EID2B: variants seen among roughly 807,000 people sequenced by gnomAD.
EID2B encodes EP300 interacting inhibitor of differentiation 2B, also known as EP300-interacting inhibitor of differentiation 2B.
A neutral mutation model predicts 5.9 loss-of-function variants in EID2B; 6 were observed. That is an observed-to-expected ratio of 1.01 (90% CI 0.55 to 2.00). The LOEUF is 2.00. EID2B is among the 30% of genes most tolerant of loss of function. The probability of loss-of-function intolerance (pLI) is 0.00; values close to 1 mark genes in which losing one functional copy is unlikely to be tolerated. For missense variants in EID2B, 234 were observed against 228.1 expected, an observed-to-expected ratio of 1.03 and a Z score of -0.17; for synonymous variants, 94 against 104.2, an observed-to-expected ratio of 0.90 and a Z score of 0.60.
Position 39,531,122 on chromosome 19 carries a change from T to C in EID2B, c.*1195A>G, listed in dbSNP as rs1342958739. The C allele has an allele frequency of 6.6e-6, 1 of 152,184 alleles. No homozygotes were observed. Among genetic ancestry groups the C allele is most frequent in the Non-Finnish European group, 1.5e-5 (1 of 68,042 alleles). 9.4% of individuals were successfully genotyped at this position (152,184 alleles called of 1,614,324 possible). ...CAATGGCACCTGCATGGAATAGTTCTGAGTTTGGCAAAGGACAGCAACAAG... is the reference window on the plus strand; with the variant it reads ...CAATGGCACCTGCATGGAATAGTTCCGAGTTTGGCAAAGGACAGCAACAAG... On this transcript the variant is annotated 3_prime_UTR_variant, in exon 1 of 1. Coordinates refer to ENST00000326282, the MANE Select transcript of EID2B (RefSeq NM_152361.3).
At position 39,532,843 on chromosome 19, in the gene EID2B, A is replaced by G. The variant is rs776198968; in HGVS notation, c.-41T>C. The G allele has an allele frequency of 4.4e-6, 7 of 1,599,142 alleles. No individual in the cohort carries two copies. The highest frequency in any genetic ancestry group is 1.3e-5 in the African/African-American group (1 of 74,840). On this transcript the variant is annotated 5_prime_UTR_variant, in exon 1 of 1. Coordinates refer to ENST00000326282, the MANE Select transcript of EID2B (RefSeq NM_152361.3). ...ACGGAGACTGGAATAACGGCACTGCACTGCTGTATGCGAGACCTGCGCATG... is the reference window on the plus strand; with the variant it reads ...ACGGAGACTGGAATAACGGCACTGCGCTGCTGTATGCGAGACCTGCGCATG...
In EID2B at chr19:39,532,063, C is replaced by A. The variant is rs1449438685; in HGVS notation, c.*254G>T. 1 of 465,640 alleles carries A rather than the reference C, an allele frequency of 2.1e-6. No homozygotes were observed. The highest frequency in any genetic ancestry group is 3.8e-6 in the Non-Finnish European group (1 of 266,060). 28.8% of individuals were successfully genotyped at this position (465,640 alleles called of 1,614,324 possible). On this transcript the variant is annotated 3_prime_UTR_variant, in exon 1 of 1. Coordinates refer to ENST00000326282, the MANE Select transcript of EID2B (RefSeq NM_152361.3). ...TCGCTCGGGTCCAAGCGTTCGGGAC[C>A]AGCCTAGGGATGCGAGACTCCCTTC...
Position 39,532,431 on chromosome 19 carries a change from G to A in EID2B, c.372C>T (p.Gly124=). ...CAAAGGCTGCTTCCCTCGCCTTGCA[G>A]CCTTCCACAAACAGCCTGCGGCGTT... ...FEERRRLFVE[G]CKAREAAFDA... is the part of the protein sequence containing the mutation. Residue 124 remains glycine (G), a synonymous_variant, in exon 1 of 1, where the codon GGC becomes GGT. Transcript: ENST00000326282. 1 of 1,614,178 alleles carries A rather than the reference G, an allele frequency of 6.2e-7. No homozygotes were observed. The highest frequency in any genetic ancestry group is 8.5e-7 in the Non-Finnish European group (1 of 1,180,054).
Position 39,532,160 on chromosome 19 carries a change from T to G in EID2B, c.*157A>C. The G allele has an allele frequency of 1.3e-6, 1 of 789,968 alleles. No individual in the cohort carries two copies. Among genetic ancestry groups the G allele is most frequent in the Non-Finnish European group, 2.0e-6 (1 of 504,770 alleles). The allele number at this position is 789,968 out of a possible 1,614,324, so 48.9% of individuals were successfully genotyped here. On this transcript the variant is annotated 3_prime_UTR_variant, in exon 1 of 1. Coordinates refer to ENST00000326282, the MANE Select transcript of EID2B (RefSeq NM_152361.3). Reference sequence around the variant, plus strand: ...AGTCTTGTCTGTTTCCATTTCGGAGTGTGCTTCCTCCTTCAATTGCACATT... The same window carrying G: ...AGTCTTGTCTGTTTCCATTTCGGAGGGTGCTTCCTCCTTCAATTGCACATT...
rs902642261 is a variant in EID2B, at chr19:39,531,512, T to C, written c.*805A>G. The C allele has an allele frequency of 2.6e-5, 4 of 152,198 alleles. No individual in the cohort carries two copies. Among genetic ancestry groups the C allele is most frequent in the Non-Finnish European group, 5.9e-5 (4 of 68,028 alleles). 9.4% of individuals were successfully genotyped at this position (152,198 alleles called of 1,614,324 possible). ...TTGAGTCTTGTGAATAGAATACATA[T>C]TCTAGAATAAAATAAAAAGCTTAAA... is the stretch of plus-strand genomic sequence containing the variant. On this transcript the variant is annotated 3_prime_UTR_variant, in exon 1 of 1. Transcript: ENST00000326282.
rs1971963728 is a variant in EID2B at position 39,531,665 on chromosome 19, A to G, written c.*652T>C. Reference sequence around the variant, plus strand: ...ATCTAAAGTACCTCAGAAAACACAAATATGAATCTTACACTAGGATTTGTT... The same window carrying G: ...ATCTAAAGTACCTCAGAAAACACAAGTATGAATCTTACACTAGGATTTGTT... On this transcript the variant is annotated 3_prime_UTR_variant, in exon 1 of 1. Transcript: ENST00000326282. The G allele has an allele frequency of 6.6e-6, 1 of 152,264 alleles. No individual in the cohort carries two copies. Among genetic ancestry groups the G allele is most frequent in the African/African-American group, 2.4e-5 (1 of 41,460 alleles). 9.4% of individuals were successfully genotyped at this position (152,264 alleles called of 1,614,324 possible). A position where few individuals can be genotyped will look rare whatever the true frequency, so the allele number is the denominator to read the frequency against.
chr19:39,532,345 G>A lies in EID2B; in HGVS notation c.458C>T (p.Ser153Phe). Reference protein sequence around the residue: ...AVAFTVALTASEALSPLAD With the variant: ...AVAFTVALTAFEALSPLAD ...GTCGGCCAGAGGACTGAGGGCCTCG[G>A]AGGCAGTCAGCGCTACCGTAAACGC... Residue 153 changes from serine (S) to phenylalanine (F), a missense_variant, in exon 1 of 1, where the codon TCC becomes TTC. Transcript: ENST00000326282. 6.2e-7 allele frequency: 1 copy of A among 1,613,888 alleles called. No individual in the cohort carries two copies. Among genetic ancestry groups the A allele is most frequent in the African/African-American group, 1.3e-5 (1 of 75,050 alleles).
Position 39,532,817 on chromosome 19 carries a change from T to A in EID2B, c.-15A>T, listed in dbSNP as rs551774889. ...GGCTCCGCCATAGTCCCAGCGTTTC[T>A]ACGGAGACTGGAATAACGGCACTGC... On this transcript the variant is annotated 5_prime_UTR_variant, in exon 1 of 1. Transcript: ENST00000326282. The A allele has an allele frequency of 6.2e-7, 1 of 1,606,588 alleles. No homozygotes were observed.
rs1971964855 is a variant in EID2B at position 39,531,744 on chromosome 19, T to C, written c.*573A>G. 6.6e-6 allele frequency: 1 copy of C among 152,262 alleles called. No homozygotes were observed. The highest frequency in any genetic ancestry group is 6.5e-5 in the Admixed American group (1 of 15,276). 9.4% of individuals were successfully genotyped at this position (152,262 alleles called of 1,614,324 possible). A position where few individuals can be genotyped will look rare whatever the true frequency, so the allele number is the denominator to read the frequency against. On this transcript the variant is annotated 3_prime_UTR_variant, in exon 1 of 1. Coordinates refer to ENST00000326282, the MANE Select transcript of EID2B (RefSeq NM_152361.3). The stretch of plus-strand genomic sequence containing the variant: ...AGTCCTCTCAATAGCCTTCCAATCC[T>C]AGTAACTCAGGTACACCTGGATTCC...
At position 39,531,980 on chromosome 19, in the gene EID2B, C is replaced by T. The variant is rs1971967283; in HGVS notation, c.*337G>A. The stretch of plus-strand genomic sequence containing the variant: ...TGTTTGAAAACAAGATTCGGCCGGG[C>T]GCGGTGGCTCACGCCTGTAAAGTAA... On this transcript the variant is annotated 3_prime_UTR_variant, in exon 1 of 1. Transcript: ENST00000326282. The T allele has an allele frequency of 8.7e-6, 2 of 229,696 alleles. No homozygotes were observed. The highest frequency in any genetic ancestry group is 1.0e-4 in the East Asian group (1 of 9,878). 14.2% of individuals were successfully genotyped at this position (229,696 alleles called of 1,614,324 possible). A position where few individuals can be genotyped will look rare whatever the true frequency, so the allele number is the denominator to read the frequency against.
At position 39,532,641 on chromosome 19, in the gene EID2B, C is replaced by T. The variant is rs550180281; in HGVS notation, c.162G>A (p.Ala54=). The part of the protein sequence containing the change: ...EAREGPVAEA[A]RSMARMPGPV... ...GGCCCGGCATCCGCGCCATGGACCG[C>T]GCAGCTTCGGCCACTGGGCCTTCCC... is the stretch of plus-strand genomic sequence containing the variant. The change falls in exon 1 of 1, where the codon GCG becomes GCA. Residue 54 remains alanine, a synonymous_variant. Coordinates refer to ENST00000326282, the MANE Select transcript of EID2B (RefSeq NM_152361.3). The T allele has an allele frequency of 1.2e-6, 2 of 1,608,010 alleles. No homozygotes were observed. The highest frequency in any genetic ancestry group is 3.4e-5 in the Admixed American group (2 of 59,488).
In EID2B at chr19:39,532,729, G is replaced by A. The variant is rs759181726; in HGVS notation, c.74C>T (p.Ala25Val). ...CCGCAGTACGTCGCTGACGCCACTC[G>A]CGGTGCCCACCTGTGGGACACTGCT... ...GDSSVPQVGT[A>V]SGVSDVLRGA... Residue 25 changes from alanine (A) to valine (V), a missense_variant, in exon 1 of 1, where the codon GCG becomes GTG. By Grantham distance (64) the Ala-to-Val change is moderately conservative (BLOSUM62 0). Coordinates refer to ENST00000326282, the MANE Select transcript of EID2B (RefSeq NM_152361.3). 1 of 1,611,146 alleles carries A rather than the reference G, an allele frequency of 6.2e-7. No individual in the cohort carries two copies. The highest frequency in any genetic ancestry group is 1.7e-5 in the Admixed American group (1 of 59,844).
Position 39,532,139 on chromosome 19 carries a change from TTGTC to T in EID2B, c.*174_*177del, listed in dbSNP as rs1971969297. 1 of 696,316 alleles carries T rather than the reference TTGTC, an allele frequency of 1.4e-6. No homozygotes were observed. Among genetic ancestry groups the T allele is most frequent in the Admixed American group, 3.0e-5 (1 of 33,440 alleles). 43.1% of individuals were successfully genotyped at this position (696,316 alleles called of 1,614,324 possible). ...AGAAAGAAAACAAGATTCAACAGTC[TTGTC>T]TGTTTCCATTTCGGAGTGTGCTTCC... On this transcript the variant is annotated 3_prime_UTR_variant, in exon 1 of 1. Transcript: ENST00000326282.
Position 39,532,532 on chromosome 19 carries a change from T to G in EID2B, c.271A>C (p.Asn91His). The change falls in exon 1 of 1, where the codon AAC (asparagine) becomes CAC (histidine). Residue 91 changes from asparagine (N) to histidine (H), a missense_variant. Coordinates refer to ENST00000326282, the MANE Select transcript of EID2B (RefSeq NM_152361.3). ...TACTCGCGGAACAACAGCTGCCGGT[T>G]AATTTCTAAGAAAGCGAGCTGCTGA... The part of the protein sequence containing the change: ...PHQQLAFLEI[N>H]RQLLFREYLD... 6.2e-7 allele frequency: 1 copy of G among 1,614,108 alleles called. No individual in the cohort carries two copies. The highest frequency in any genetic ancestry group is 2.2e-5 in the East Asian group (1 of 44,890).
Position 39,532,258 on chromosome 19 carries a change from T to C in EID2B, c.*59A>G. The C allele has an allele frequency of 1.3e-6, 2 of 1,569,272 alleles. No homozygotes were observed. Among genetic ancestry groups the C allele is most frequent in the Admixed American group, 3.6e-5 (2 of 55,500 alleles). On this transcript the variant is annotated 3_prime_UTR_variant, in exon 1 of 1. Coordinates refer to ENST00000326282, the MANE Select transcript of EID2B (RefSeq NM_152361.3). ...AAACTGGCACAGCCTGCCTGTTCTT[T>C]TGATCCCAAAAGGGTCACTTGGCTA...
chr19:39,532,298 T>A lies in EID2B; in HGVS notation c.*19A>T, dbSNP rs1971971290. Reference sequence around the variant, plus strand: ...TCACTTGGCTATTCCTTGCCACCAATGTCATCATCACAGCCGACTCAGTCG... The same window carrying A: ...TCACTTGGCTATTCCTTGCCACCAAAGTCATCATCACAGCCGACTCAGTCG... On this transcript the variant is annotated 3_prime_UTR_variant, in exon 1 of 1. Coordinates refer to ENST00000326282, the MANE Select transcript of EID2B (RefSeq NM_152361.3). 2.5e-6 allele frequency: 4 copies of A among 1,605,136 alleles called. No homozygotes were observed. The South Asian group carries it at 4.4e-5, about 18-fold the overall frequency.
chr19:39,532,652 C>T lies in EID2B; in HGVS notation c.151G>A (p.Ala51Thr). ...CGCGCCATGGACCGCGCAGCTTCGG[C>T]CACTGGGCCTTCCCGAGCCTCCTGC... ...RVQEAREGPVAEAARSMARMP... is the reference protein window; with the variant it reads ...RVQEAREGPVTEAARSMARMP... Residue 51 changes from alanine (A) to threonine (T), a missense_variant, in exon 1 of 1, where the codon GCC becomes ACC. Ala to Thr is a moderately conservative substitution (Grantham distance 58). Transcript: ENST00000326282. The T allele has an allele frequency of 6.2e-7, 1 of 1,608,020 alleles. No homozygotes were observed. Among genetic ancestry groups the T allele is most frequent in the East Asian group, 2.2e-5 (1 of 44,698 alleles).
rs746570345 is a variant in EID2B at position 39,532,841 on chromosome 19, G to T, written c.-39C>A. ...CTACGGAGACTGGAATAACGGCACT[G>T]CACTGCTGTATGCGAGACCTGCGCA... On this transcript the variant is annotated 5_prime_UTR_variant, in exon 1 of 1. Transcript: ENST00000326282. 1 of 1,599,890 alleles carries T rather than the reference G, an allele frequency of 6.3e-7. No individual in the cohort carries two copies.
chr19:39,532,249 C>A lies in EID2B; in HGVS notation c.*68G>T, dbSNP rs1243406133. 1.7e-5 allele frequency: 27 copies of A among 1,558,604 alleles called. No homozygotes were observed. Among genetic ancestry groups the A allele is most frequent in the African/African-American group, 2.7e-5 (2 of 73,570 alleles). The stretch of plus-strand genomic sequence containing the variant: ...GAGTTAACTAAACTGGCACAGCCTG[C>A]CTGTTCTTTTGATCCCAAAAGGGTC... On this transcript the variant is annotated 3_prime_UTR_variant, in exon 1 of 1. Coordinates refer to ENST00000326282, the MANE Select transcript of EID2B (RefSeq NM_152361.3).
Sources: gnomAD v4.1 joint callset for allele counts on GRCh38, gnomAD v4.1.1 for gene constraint, MANE v1.5 for transcripts, NCBI Gene and HGNC (gene_info 2026-07-23, HGNC 2026-07-21) for gene names.